The following TSHZ2 variants were observed in gnomAD, a reference collection of about 807,000 sequenced individuals.
The protein encoded by TSHZ2 is teashirt zinc finger homeobox 2.
Under a neutral mutation model 74.4 loss-of-function variants are expected in TSHZ2, and 21 were observed. The observed-to-expected ratio is 0.28, with a 90% CI of 0.20 to 0.41. The LOEUF is 0.41. TSHZ2 is among the 10% of genes least tolerant of loss of function. The probability of loss-of-function intolerance (pLI) is 1.00; values close to 1 mark genes in which losing one functional copy is unlikely to be tolerated. For synonymous variants in TSHZ2, 540 were observed against 515.3 expected (o/e 1.05, Z -0.65); for missense variants, 1,244 against 1,293.5 (o/e 0.96, Z 0.59).
chr20:53,061,775 A>G (rs1984830744), intron 1 of TSHZ2, among the ~76,000 whole-genome samples: 1 of 152,188 alleles, frequency 6.6e-6, no homozygotes, highest in Non-Finnish European at 1.5e-5. Context: ...CTAGAAAGAG[A>G]CATGTTTTTT....
chr20:53,140,113 C>T (rs955490112), intron 1 of TSHZ2, among the ~76,000 whole-genome samples: 1 of 151,590 alleles, frequency 6.6e-6, no homozygotes, highest in East Asian at 1.9e-4. Flanking sequence ...ACAGCTTTTA[C>T]CCTCATAAAA....
chr20:53,436,536 A>T lies in TSHZ2; in HGVS notation c.*9-50608A>T, dbSNP rs1429741192. Among the ~76,000 whole-genome samples, 168 of 83,442 alleles carry T rather than the reference A, an allele frequency of 2.0e-3. 1 individual carries two copies. The highest frequency in any genetic ancestry group is 6.0e-3 in the African/African-American group (123 of 20,384). 54.7% of individuals were successfully genotyped at this position (83,442 alleles called of 152,430 possible). A position where few individuals can be genotyped will look rare whatever the true frequency, so the allele number is the denominator to read the frequency against. On this transcript the variant is annotated intron_variant, in intron 2 of 2. Coordinates refer to ENST00000371497, the MANE Select transcript of TSHZ2 (RefSeq NM_173485.6). ...CTTATTTTATTTATTTATTATTATT[A>T]TTATTATTATTATTTTTTTTTTTTT...
chr20:53,389,657 T>G (rs1982179095), intron 2 of TSHZ2, among the ~76,000 whole-genome samples: 1 of 152,154 alleles, frequency 6.6e-6, no homozygotes, highest in Non-Finnish European at 1.5e-5. Context: ...TTGATGTTAT[T>G]GTGTTGCCTA....
intron 1 of TSHZ2, among the ~76,000 whole-genome samples, chr20:53,030,017 G>C (rs554133986): frequency 7.2e-5 from 11 of 152,102 alleles, no homozygotes; most frequent in Admixed American, 1.3e-4. Flanking sequence ...TTTAACATCT[G>C]TGACGCACCT....
intron 2 of TSHZ2, among the ~76,000 whole-genome samples, chr20:53,462,819 T>G (rs1228256520): frequency 6.6e-6 from 1 of 152,088 alleles, no homozygotes; most frequent in Non-Finnish European, 1.5e-5. Flanking sequence ...AGCCAGTGGT[T>G]AAGGGGCAGG....
At chr20:53,230,615 G>A (rs79619298) in intron 1 of TSHZ2, among the ~76,000 whole-genome samples, 2,827 of 152,250 alleles carry the variant, frequency 0.019, 97 homozygotes, top group African/African-American at 0.065. Flanking sequence ...AATCATTGCC[G>A]GGCATGGTGG....
chr20:53,260,596 T>A (rs527377329), intron 2 of TSHZ2, among the ~76,000 whole-genome samples: 1 of 152,302 alleles, frequency 6.6e-6, no homozygotes, highest in South Asian at 2.1e-4. Flanking sequence ...TCAGAGGCAG[T>A]GTTTGGAAAA....
Position 53,450,294 on chromosome 20 carries a change from G to T in TSHZ2, c.*9-36850G>T, listed in dbSNP as rs1231869425. ...TAGATAGTTTTTTGCTACATTGCAA[G>T]AATTATGTGATGGTAAAAGAAAGAA... is the stretch of plus-strand genomic sequence containing the variant. On this transcript the variant is annotated intron_variant, in intron 2 of 2. Transcript: ENST00000371497. Among the ~76,000 whole-genome samples the T allele has an allele frequency of 7.9e-5, 12 of 151,562 alleles. No individual in the cohort carries two copies. The Admixed American group carries it at 7.9e-4, about 10-fold the overall frequency.
intron 1 of TSHZ2, chr20:53,206,412 A>C (rs1409202725): frequency 6.6e-6 from 1 of 152,190 alleles, no homozygotes; most frequent in Non-Finnish European, 1.5e-5. Flanking sequence ...TTTGTTCCTC[A>C]GCCCTTGCTT....
chr20:53,325,915 G>T (rs1340207618), intron 2 of TSHZ2, among the ~76,000 whole-genome samples: 1 of 152,122 alleles, frequency 6.6e-6, no homozygotes, highest in Non-Finnish European at 1.5e-5. Flanking sequence ...CCAAGTAGCT[G>T]GGATTACAGG....
chr20:53,476,808 A>AAAGTC (rs1986004985), intron 2 of TSHZ2, among the ~76,000 whole-genome samples: 1 of 145,924 alleles, frequency 6.9e-6, no homozygotes, highest in South Asian at 2.2e-4. Context: ...CAACTTCAGC[A>AAAGTC]AAGTCTCAGG....
intron 1 of TSHZ2, among the ~76,000 whole-genome samples, chr20:53,090,512 C>T (rs1437818522): frequency 6.6e-6 from 1 of 152,114 alleles, no homozygotes; most frequent in Non-Finnish European, 1.5e-5. Flanking sequence ...GGAGTTCCTT[C>T]CAATTGAAAG....
intron 1 of TSHZ2, among the ~76,000 whole-genome samples, chr20:53,015,400 G>A (rs1600646628): frequency 1.3e-5 from 2 of 152,142 alleles, no homozygotes; most frequent in East Asian, 3.8e-4. Context: ...CTGGCTTCCA[G>A]TGTGTAGAAC....
intron 1 of TSHZ2, among the ~76,000 whole-genome samples, chr20:53,227,062 A>C (rs914097765): frequency 6.6e-6 from 1 of 152,016 alleles, no homozygotes; most frequent in African/African-American, 2.4e-5. Flanking sequence ...TAGGGAAGAA[A>C]ATGCTGATCT....
intron 2 of TSHZ2, among the ~76,000 whole-genome samples, chr20:53,315,618 G>GT (rs1978972781): frequency 6.6e-6 from 1 of 152,072 alleles, no homozygotes; most frequent in Non-Finnish European, 1.5e-5. Context: ...GTGGATTCCC[G>GT]TTTTTTGTTT....
intron 1 of TSHZ2, among the ~76,000 whole-genome samples, chr20:53,222,984 T>A (rs111243824): frequency 6.6e-6 from 1 of 152,216 alleles, no homozygotes; most frequent in Non-Finnish European, 1.5e-5. Flanking sequence ...TTTGAATCAA[T>A]TAAAATGAAA....
At chr20:53,390,403 A>T (rs890516893) in intron 2 of TSHZ2, among the ~76,000 whole-genome samples, 10 of 152,356 alleles carry the variant, frequency 6.6e-5, no homozygotes, top group Admixed American at 6.5e-4. Context: ...CCTAGGACAT[A>T]TTCCAAGAGC....
chr20:53,374,777 C>T (rs902202898), intron 2 of TSHZ2, among the ~76,000 whole-genome samples: 1 of 152,068 alleles, frequency 6.6e-6, no homozygotes, highest in Non-Finnish European at 1.5e-5. Context: ...TGCTTCTTGG[C>T]CACATGTATG....
chr20:53,001,522 C>G (rs898905949), intron 1 of TSHZ2, among the ~76,000 whole-genome samples: 2 of 152,022 alleles, frequency 1.3e-5, no homozygotes, highest in African/African-American at 4.8e-5. Flanking sequence ...AAGGAAGACC[C>G]CTTGCTTCAC....
Sources: gnomAD v4.1 joint callset for allele counts (sites outside exome capture counted in the v4.1 genomes callset) on GRCh38, gnomAD v4.1.1 for gene constraint, MANE v1.5 for transcripts, NCBI Gene and HGNC (gene_info 2026-07-23, HGNC 2026-07-21) for gene names.